PTPRD: variants seen among roughly 807,000 people sequenced by gnomAD.
PTPRD encodes protein tyrosine phosphatase receptor type D.
A neutral mutation model predicts 214.5 loss-of-function variants in PTPRD; 34 were observed. The observed-to-expected ratio is 0.16, with a 90% CI of 0.12 to 0.21. PTPRD has a LOEUF of 0.21. PTPRD is among the 10% of genes least tolerant of loss of function. PTPRD has a pLI of 1.00. For synonymous variants in PTPRD, 1,128 were observed against 845.7 expected (o/e 1.33, Z -5.79); for missense variants, 2,545 against 2,398.7 (o/e 1.06, Z -1.27).
intron 7 of PTPRD, among the ~76,000 whole-genome samples, chr9:9,708,867 A>T (rs895806672): frequency 1.3e-5 from 2 of 152,038 alleles, no homozygotes. Context: ...AATTTAAAAA[A>T]CACAATTTTT....
At chr9:10,150,298 T>C (rs1333886042) in intron 3 of PTPRD, among the ~76,000 whole-genome samples, 1 of 152,098 alleles carries the variant, frequency 6.6e-6, no homozygotes, top group Non-Finnish European at 1.5e-5. Context: ...TAAGAAAGTG[T>C]GGCACATACA....
chr9:9,098,844 G>C (rs1591591237), intron 10 of PTPRD, among the ~76,000 whole-genome samples: 1 of 152,110 alleles, frequency 6.6e-6, no homozygotes, highest in Admixed American at 6.6e-5. Context: ...ATGTTCACCA[G>C]GAGAATTACA....
At chr9:9,947,609 T>A (rs1345743158) in intron 4 of PTPRD, among the ~76,000 whole-genome samples, 4 of 55,814 alleles carry the variant, frequency 7.2e-5, no homozygotes, top group Non-Finnish European at 8.8e-5. Flanking sequence ...ATATATATTT[T>A]ATATATATAT....
intron 9 of PTPRD, among the ~76,000 whole-genome samples, chr9:9,277,160 T>C (rs1336301709): frequency 6.6e-6 from 1 of 151,434 alleles, no homozygotes; most frequent in Non-Finnish European, 1.5e-5. Flanking sequence ...CCTATAACAA[T>C]GCCAGGCTTA....
At chr9:10,573,074 C>T (rs1271202064) in intron 2 of PTPRD, among the ~76,000 whole-genome samples, 1 of 152,006 alleles carries the variant, frequency 6.6e-6, no homozygotes, top group Non-Finnish European at 1.5e-5. Flanking sequence ...CAATTACCAA[C>T]AGAATTAGCA....
intron 3 of PTPRD, among the ~76,000 whole-genome samples, chr9:10,291,024 T>C (rs1295787893): frequency 6.6e-6 from 1 of 151,320 alleles, no homozygotes; most frequent in Admixed American, 6.6e-5. Flanking sequence ...TTAGAGAATC[T>C]ACACTTTTTT....
intron 9 of PTPRD, among the ~76,000 whole-genome samples, chr9:9,185,227 T>C (rs1457980213): frequency 6.6e-6 from 1 of 152,140 alleles, no homozygotes; most frequent in Non-Finnish European, 1.5e-5. Context: ...CAAGACCTTC[T>C]GCTCTTCACA....
intron 21 of PTPRD, among the ~76,000 whole-genome samples, chr9:8,516,491 C>CAA (rs2097783016): frequency 6.6e-6 from 1 of 151,842 alleles, no homozygotes; most frequent in African/African-American, 2.4e-5. Context: ...GAAGCAAGGA[C>CAA]AAATAGTTAA....
intron 10 of PTPRD, among the ~76,000 whole-genome samples, chr9:9,142,472 A>G (rs2099862130): frequency 6.6e-6 from 1 of 152,242 alleles, no homozygotes; most frequent in South Asian, 2.1e-4. Context: ...CAACTTCAAA[A>G]TTAATTTACT....
In PTPRD at chr9:9,406,995, ATTAC is replaced by A. The variant is rs1176526429; in HGVS notation, c.-236-9517_-236-9514del. On this transcript the variant is annotated intron_variant, in intron 8 of 45. Transcript: ENST00000381196. ...CCATTAGCATTGTGAAAATTAGTAAATTACTTACCCTCTCTGAACTTCAGTTTTC... is the reference window on the plus strand; with the variant it reads ...CCATTAGCATTGTGAAAATTAGTAAATTACCCTCTCTGAACTTCAGTTTTC... Among the ~76,000 whole-genome samples, 4 of 151,704 alleles carry A rather than the reference ATTAC, an allele frequency of 2.6e-5. No homozygotes were observed. In the East Asian group the frequency reaches 7.7e-4, roughly 29 times the overall value.
chr9:9,603,564 C>A (rs751530419), intron 7 of PTPRD, among the ~76,000 whole-genome samples: 2 of 152,036 alleles, frequency 1.3e-5, no homozygotes, highest in Non-Finnish European at 2.9e-5. Flanking sequence ...CTGAGCTCCA[C>A]CTCCTGTGCC....
chr9:9,878,721 G>A (rs2067665674), intron 5 of PTPRD, among the ~76,000 whole-genome samples: 1 of 152,054 alleles, frequency 6.6e-6, no homozygotes, highest in East Asian at 1.9e-4. Flanking sequence ...GAGCATAGGT[G>A]GATTTCTCAT....
At chr9:8,748,962 A>G (rs2093215618) in intron 11 of PTPRD, among the ~76,000 whole-genome samples, 1 of 151,992 alleles carries the variant, frequency 6.6e-6, no homozygotes. Flanking sequence ...TGGTCCATAC[A>G]CTCCATCACA....
intron 11 of PTPRD, among the ~76,000 whole-genome samples, chr9:8,775,552 T>G (rs1302838995): frequency 6.6e-6 from 1 of 150,434 alleles, no homozygotes; most frequent in Non-Finnish European, 1.5e-5. Context: ...CTTAGTCACA[T>G]GTACTTTCTA....
chr9:9,145,554 C>T (rs528201579), intron 10 of PTPRD, among the ~76,000 whole-genome samples: 10 of 151,988 alleles, frequency 6.6e-5, no homozygotes, highest in Admixed American at 4.6e-4. Flanking sequence ...CTCTAACATA[C>T]CCCCTCCTCA....
At chr9:8,783,745 C>T (rs956164166) in intron 11 of PTPRD, among the ~76,000 whole-genome samples, 14 of 152,130 alleles carry the variant, frequency 9.2e-5, no homozygotes, top group African/African-American at 3.1e-4. Context: ...GGTCTGATGG[C>T]TGGATTCTAC....
chr9:10,500,349 T>A (rs749284107), intron 2 of PTPRD, among the ~76,000 whole-genome samples: 2 of 151,860 alleles, frequency 1.3e-5, no homozygotes, highest in Non-Finnish European at 2.9e-5. Flanking sequence ...CAAGAATATA[T>A]AAAAATGCAT....
intron 9 of PTPRD, among the ~76,000 whole-genome samples, chr9:9,329,237 G>GCAAAA (rs998824423): frequency 6.6e-5 from 10 of 151,674 alleles, no homozygotes; most frequent in African/African-American, 1.9e-4. Context: ...GTAAGTTCAT[G>GCAAAA]CAAAACAAAA....
chr9:10,493,744 C>T (rs1200730994), intron 2 of PTPRD, among the ~76,000 whole-genome samples: 3 of 151,956 alleles, frequency 2.0e-5, no homozygotes, highest in Middle Eastern at 3.4e-3. Flanking sequence ...AAGATTTCCC[C>T]CATAGAATAG....
Sources: allele counts gnomAD v4.1 joint callset (sites outside exome capture counted in the v4.1 genomes callset), GRCh38; gene constraint gnomAD v4.1.1; transcripts MANE v1.5; gene names NCBI Gene and HGNC (gene_info 2026-07-23, HGNC 2026-07-21).